Variants in FGD5 observed in about 807,000 individuals in gnomAD.
FGD5 encodes the protein FYVE, RhoGEF and PH domain containing 5, also known as FYVE, RhoGEF and PH domain-containing protein 5.
In FGD5, 28 loss-of-function variants were observed where a neutral mutation model predicts 133.4. The ratio of observed to expected loss-of-function variants is 0.21; its 90% CI spans 0.16 to 0.29. FGD5 has a LOEUF of 0.29. Among genes scored for constraint, FGD5 ranks in the 10% least tolerant of loss-of-function variants. The pLI, the probability that FGD5 is intolerant of heterozygous loss-of-function variation, is 1.00. For synonymous variants in FGD5, 810 were observed against 776.5 expected (o/e 1.04, Z -0.72); for missense variants, 1,858 against 1,895.2 (o/e 0.98, Z 0.36).
intron 1 of FGD5, among the ~76,000 whole-genome samples, chr3:14,833,905 A>C (rs1400472110): frequency 6.6e-6 from 1 of 151,916 alleles, no homozygotes; most frequent in Admixed American, 6.6e-5. Flanking sequence ...GTCCTGCCTG[A>C]GTCAAGGGCC....
chr3:14,923,009 C>T (rs1365831840), intron 15 of FGD5, 37 bp from the exon 16 acceptor site: 1 of 1,613,434 alleles, frequency 6.2e-7, no homozygotes, highest in Non-Finnish European at 8.5e-7. Context: ...TTTGCATGCA[C>T]TGAGAGGGGT....
At chr3:14,910,963 C>T (rs1283071849) in intron 11 of FGD5, 34 bp downstream of exon 11, 3 of 1,592,862 alleles carry the variant, frequency 1.9e-6, no homozygotes, top group Non-Finnish European at 2.6e-6. Flanking sequence ...AGCTCAGGAA[C>T]TGCCAAGTTC....
Position 14,864,180 on chromosome 3 carries a change from G to A in FGD5, c.2578G>A (p.Glu860Lys). The A allele has an allele frequency of 1.2e-6, 2 of 1,614,034 alleles. No homozygotes were observed. The highest frequency in any genetic ancestry group is 1.7e-6 in the Non-Finnish European group (2 of 1,179,894). Reference protein sequence around the residue: ...VCPISSAAPKEDLTSDEEQRS... With the variant: ...VCPISSAAPKKDLTSDEEQRS... Reference sequence around the variant, plus strand: ...TCCCATCTCGTCGGCAGCCCCCAAAGAGGACCTTACGTCGGATGAAGAGCA... The same window carrying A: ...TCCCATCTCGTCGGCAGCCCCCAAAAAGGACCTTACGTCGGATGAAGAGCA... Residue 860 changes from glutamate to lysine, a missense_variant, in exon 2 of 20, where the codon GAG becomes AAG. Physicochemically the swap from Glu to Lys is moderately conservative, Grantham distance 56. Transcript: ENST00000285046.
intron 4 of FGD5, among the ~76,000 whole-genome samples, chr3:14,883,176 G>T (rs552939356): frequency 1.3e-5 from 2 of 152,268 alleles, no homozygotes; most frequent in African/African-American, 2.4e-5. Context: ...TCCTGGGTTT[G>T]TGTAACCTAT....
At chr3:14,928,166 T>C (rs2038845123) in intron 18 of FGD5, among the ~76,000 whole-genome samples, 1 of 151,948 alleles carries the variant, frequency 6.6e-6, no homozygotes. Context: ...GGTCTCGATC[T>C]CTTGACCTCA....
chr3:14,899,620 C>G (rs1204865592), intron 7 of FGD5, among the ~76,000 whole-genome samples: 1 of 152,200 alleles, frequency 6.6e-6, no homozygotes, highest in Non-Finnish European at 1.5e-5. Flanking sequence ...TATTGAGCAC[C>G]TACTATGTAC....
At position 14,922,987 on chromosome 3, in the gene FGD5, G is replaced by T. The variant is rs2038716488; in HGVS notation, c.3808-59G>T. ...TTAGCAGAGGGAGCGGAGGGGAGGG[G>T]TGCAGGTCTCCTTTGCATGCACTGA... On this transcript the variant is annotated intron_variant, in intron 15 of 19. Transcript: ENST00000285046. The surrounding 1 kb of genome is among the most constrained non-coding windows in gnomAD (Gnocchi z 4.1). 9 of 1,609,674 alleles carry T rather than the reference G, an allele frequency of 5.6e-6. No homozygotes were observed. Among genetic ancestry groups the T allele is most frequent in the Non-Finnish European group, 7.6e-6 (9 of 1,177,044 alleles).
chr3:14,876,924 C>T (rs2037731293), intron 2 of FGD5, among the ~76,000 whole-genome samples: 1 of 152,248 alleles, frequency 6.6e-6, no homozygotes, highest in South Asian at 2.1e-4. Context: ...CCCGACCTGC[C>T]CGGGTCCCAG....
chr3:14,843,464 C>T (rs1408556710), intron 1 of FGD5, among the ~76,000 whole-genome samples: 2 of 152,136 alleles, frequency 1.3e-5, no homozygotes, highest in Non-Finnish European at 2.9e-5. Context: ...CTCTCAGGGA[C>T]GGCCACTGAG....
chr3:14,922,647 T>G lies in FGD5; in HGVS notation c.3807+99T>G, dbSNP rs953676172. 9.5e-6 allele frequency: 14 copies of G among 1,469,288 alleles called. No individual in the cohort carries two copies. The East Asian group carries it at 2.5e-4, about 26-fold the overall frequency. The allele number at this position is 1,469,288 out of a possible 1,614,324, so 91.0% of individuals were successfully genotyped here. On this transcript the variant is annotated intron_variant, in intron 15 of 19. Coordinates refer to ENST00000285046, the MANE Select transcript of FGD5 (RefSeq NM_152536.4). This position sits in a 1 kb window ranked among gnomAD's most constrained non-coding sequence, Gnocchi z 4.1. ...GGGCTCAGGGATGTCCAGCAGCTACTGTAAGCCCCAGAGTGAGGCATGTTC... is the reference window on the plus strand; with the variant it reads ...GGGCTCAGGGATGTCCAGCAGCTACGGTAAGCCCCAGAGTGAGGCATGTTC...
chr3:14,909,823 A>G (rs974950935), intron 10 of FGD5, among the ~76,000 whole-genome samples: 3 of 146,530 alleles, frequency 2.0e-5, no homozygotes. Context: ...TGCAGAGTTC[A>G]GTGGCTATCT....
chr3:14,923,277 C>T lies in FGD5; in HGVS notation c.3937+102C>T, dbSNP rs1308871626. ...CATGGTTCATGCCTGAAACCGCTTT[C>T]CCTGGAGGGAGTTATTCACTCCATG... On this transcript the variant is annotated intron_variant, in intron 16 of 19. Coordinates refer to ENST00000285046, the MANE Select transcript of FGD5 (RefSeq NM_152536.4). The T allele has an allele frequency of 6.2e-6, 9 of 1,458,076 alleles. No homozygotes were observed. The Admixed American group carries it at 1.4e-4, about 23-fold the overall frequency. The allele number at this position is 1,458,076 out of a possible 1,614,324, so 90.3% of individuals were successfully genotyped here.
intron 1 of FGD5, among the ~76,000 whole-genome samples, chr3:14,855,977 C>G (rs949608823): frequency 6.6e-6 from 1 of 152,098 alleles, no homozygotes; most frequent in African/African-American, 2.4e-5. Flanking sequence ...AGCATTTCTC[C>G]TATGTTTTCT....
intron 1 of FGD5, among the ~76,000 whole-genome samples, chr3:14,823,130 CAG>C (rs2036535681): frequency 6.6e-6 from 1 of 152,178 alleles, no homozygotes; most frequent in Non-Finnish European, 1.5e-5. Context: ...GGTAGAGAGG[CAG>C]AGTCAGCAAG....
At chr3:14,911,099 G>A (rs987544685) in intron 11 of FGD5, among the ~76,000 whole-genome samples, 170 bp downstream of exon 11, 2 of 152,136 alleles carry the variant, frequency 1.3e-5, no homozygotes, top group African/African-American at 4.8e-5. Flanking sequence ...TGGACACCAC[G>A]CCCACCACTC....
intron 2 of FGD5, among the ~76,000 whole-genome samples, chr3:14,876,621 C>T (rs1297148612): frequency 6.6e-6 from 1 of 152,142 alleles, no homozygotes; most frequent in Non-Finnish European, 1.5e-5. Flanking sequence ...ATATTAATGT[C>T]TGGCTGAACA....
At chr3:14,905,130 C>G (rs754537608) in intron 9 of FGD5, among the ~76,000 whole-genome samples, 1 of 152,028 alleles carries the variant, frequency 6.6e-6, no homozygotes, top group Non-Finnish European at 1.5e-5. Context: ...TTCAATTTAC[C>G]TTAATTTGTG....
intron 2 of FGD5, among the ~76,000 whole-genome samples, chr3:14,870,948 A>G (rs1261575149): frequency 3.3e-5 from 5 of 152,216 alleles, no homozygotes; most frequent in African/African-American, 9.6e-5. Flanking sequence ...AATTCAGTAG[A>G]CACCCAGTTC....
At chr3:14,893,002 G>A (rs2038059349) in intron 4 of FGD5, among the ~76,000 whole-genome samples, 1 of 152,080 alleles carries the variant, frequency 6.6e-6, no homozygotes. Flanking sequence ...TCTGACCCTG[G>A]GATTTTCCCA....
Sources: allele counts gnomAD v4.1 joint callset (sites outside exome capture counted in the v4.1 genomes callset), GRCh38; gene constraint gnomAD v4.1.1; non-coding constraint Gnocchi (gnomAD v3.1); transcripts MANE v1.5; gene names NCBI Gene and HGNC (gene_info 2026-07-23, HGNC 2026-07-21).